ABCB6: variants seen among roughly 807,000 people sequenced by gnomAD.
ABCB6 encodes the protein ATP binding cassette subfamily B member 6 (LAN blood group), also known as ATP-binding cassette sub-family B member 6.
A neutral mutation model predicts 99.4 loss-of-function variants in ABCB6; 87 were observed. The ratio of observed to expected loss-of-function variants is 0.88; its 90% CI spans 0.74 to 1.05. ABCB6 has a LOEUF of 1.05. Among genes scored for constraint, ABCB6 ranks in the 50% least tolerant of loss-of-function variants. ABCB6 has a pLI of 0.00. For missense variants in ABCB6, 1,050 were observed against 1,097.9 expected (o/e 0.96, Z 0.62); for synonymous variants, 482 against 447.5 (o/e 1.08, Z -0.97).
chr2:219,212,927 C>T (rs955005196), intron 13 of ABCB6, 81 bp downstream of exon 13: 238 of 1,494,382 alleles, frequency 1.6e-4, no homozygotes, highest in Non-Finnish European at 1.9e-4. Context: ...TCTGACTCCA[C>T]AGCCTGGGTC....
Position 219,210,063 on chromosome 2 carries a change from AGT to A in ABCB6, c.2421-19_2421-18del. 6.2e-7 allele frequency: 1 copy of A among 1,611,796 alleles called. No homozygotes were observed. Among genetic ancestry groups the A allele is most frequent in the Non-Finnish European group, 8.5e-7 (1 of 1,178,066 alleles). On this transcript the variant is annotated intron_variant, in intron 18 of 18. Transcript: ENST00000265316. ...GCCTCGTGTCTGGGGTGAGGAGAAA[AGT>A]GTGAGTCCTAACCATTAGTTTTACC...
chr2:219,218,459 G>T lies in ABCB6; in HGVS notation c.215C>A (p.Pro72His). The change falls in exon 1 of 19, where the codon CCC (proline) becomes CAC (histidine). Residue 72 changes from proline (P) to histidine (H), a missense_variant. Coordinates refer to ENST00000265316, the MANE Select transcript of ABCB6 (RefSeq NM_005689.4). ...LSWGAGPRIS[P>H]YVLQLLLATL... ...GGCCAGAAGCAGCTGCAGCACGTAG[G>T]GAGAGATGCGAGGGCCGGCCCCCCA... 1 of 1,608,708 alleles carries T rather than the reference G, an allele frequency of 6.2e-7. No individual in the cohort carries two copies. Among genetic ancestry groups the T allele is most frequent in the Non-Finnish European group, 8.5e-7 (1 of 1,178,014 alleles).
intron 5 of ABCB6, chr2:219,215,470 A>C (rs1302326844): frequency 5.0e-6 from 1 of 200,230 alleles, no homozygotes; most frequent in Non-Finnish European, 1.0e-5. Flanking sequence ...AGCTGGGCAC[A>C]ATGGCTCACA....
intron 16 of ABCB6, 72 bp from the exon 17 acceptor site, chr2:219,210,547 T>A: frequency 6.3e-7 from 1 of 1,594,148 alleles, no homozygotes; most frequent in Non-Finnish European, 8.6e-7. Flanking sequence ...GGCTGCTGGC[T>A]GAGGCCTCAA....
Position 219,212,499 on chromosome 2 carries a change from A to G in ABCB6, c.1864-8T>C, listed in dbSNP as rs1474031035. 3.1e-6 allele frequency: 5 copies of G among 1,611,404 alleles called. No homozygotes were observed. The highest frequency in any genetic ancestry group is 1.7e-5 in the Admixed American group (1 of 59,850). On this transcript the variant is annotated splice_region_variant and splice_polypyrimidine_tract_variant and intron_variant, in intron 13 of 18. Coordinates refer to ENST00000265316, the MANE Select transcript of ABCB6 (RefSeq NM_005689.4). ...TGCCCCAGATGGGCCCACCTGTTGC[A>G]TTGGAAATGGGAAAAATCTCAGGCC...
rs1437640346 is a variant in ABCB6 at position 219,210,078 on chromosome 2, C to G, written c.2421-32G>C. The G allele has an allele frequency of 1.9e-6, 3 of 1,609,192 alleles. No individual in the cohort carries two copies. In the African/African-American group the frequency reaches 4.0e-5, roughly 22 times the overall value. The stretch of plus-strand genomic sequence containing the variant: ...TGAGGAGAAAAGTGTGAGTCCTAAC[C>G]ATTAGTTTTACCCCGAGGGTCCTTG... On this transcript the variant is annotated intron_variant, in intron 18 of 18. Transcript: ENST00000265316.
rs193300004 is a variant in ABCB6, at chr2:219,209,912, T to C, written c.*26A>G. The stretch of plus-strand genomic sequence containing the variant: ...ATCTTATTCCCTTCTGGGTTAGTCT[T>C]TGAGAGGGAAGTGGCCAAACTTTTG... On this transcript the variant is annotated 3_prime_UTR_variant, in exon 19 of 19. Coordinates refer to ENST00000265316, the MANE Select transcript of ABCB6 (RefSeq NM_005689.4). 29 of 1,565,340 alleles carry C rather than the reference T, an allele frequency of 1.9e-5. No individual in the cohort carries two copies. The Middle Eastern group carries it at 6.7e-4, about 36-fold the overall frequency.
In ABCB6 at chr2:219,216,458, C is replaced by T; in HGVS notation, c.876G>A (p.Leu292=). 6.2e-7 allele frequency: 1 copy of T among 1,613,984 alleles called. No homozygotes were observed. Among genetic ancestry groups the T allele is most frequent in the Non-Finnish European group, 8.5e-7 (1 of 1,179,950 alleles). ...VPIFYRNIVN[L]LTEKAPWNSL... ...AGTTCCAAGGTGCCTTCTCAGTCAGCAAGTTCACTGTGGAGGAAACGAGTC... is the reference window on the plus strand; with the variant it reads ...AGTTCCAAGGTGCCTTCTCAGTCAGTAAGTTCACTGTGGAGGAAACGAGTC... The change falls in exon 4 of 19, where the codon TTG becomes TTA. Residue 292 remains leucine (L), a synonymous_variant. Coordinates refer to ENST00000265316, the MANE Select transcript of ABCB6 (RefSeq NM_005689.4). The surrounding 1 kb of genome is among the most constrained non-coding windows in gnomAD (Gnocchi z 4.2).
In ABCB6 at chr2:219,218,434, G is replaced by C. The variant is rs1426739032; in HGVS notation, c.240C>G (p.Ala80=). The C allele has an allele frequency of 1.9e-6, 3 of 1,610,370 alleles. No homozygotes were observed. The highest frequency in any genetic ancestry group is 2.7e-5 in the African/African-American group (2 of 74,900). ...ISPYVLQLLL[A]TLQAALPLAG... ...CCAGGGGCAGCGCCGCCTGAAGTGTGGCCAGAAGCAGCTGCAGCACGTAGG... is the reference window on the plus strand; with the variant it reads ...CCAGGGGCAGCGCCGCCTGAAGTGTCGCCAGAAGCAGCTGCAGCACGTAGG... Residue 80 remains alanine, a synonymous_variant, in exon 1 of 19, where the codon GCC becomes GCG. Transcript: ENST00000265316.
rs553574357 is a variant in ABCB6 at position 219,216,828 on chromosome 2, C to T, written c.692G>A (p.Arg231Gln). Residue 231 changes from arginine to glutamine, a missense_variant, in exon 3 of 19, where the codon CGG (arginine) becomes CAG (glutamine). By Grantham distance (43) the Arg-to-Gln change is conservative (BLOSUM62 1). Transcript: ENST00000265316. This position sits in a 1 kb window ranked among gnomAD's most constrained non-coding sequence, Gnocchi z 4.2. ...CCAGGTAGACTGTTGGGCTGCTGAC[C>T]GAACCTAGGATGGTGAAACACGTAG... ...EDQDVERSQV[R>Q]SAAQQSTWRD... is the part of the protein sequence containing the mutation. 53 of 1,611,364 alleles carry T rather than the reference C, an allele frequency of 3.3e-5. No homozygotes were observed. The South Asian group carries it at 3.9e-4, about 12-fold the overall frequency.
Position 219,216,661 on chromosome 2 carries a change from T to C in ABCB6, c.859A>G (p.Arg287Gly). 6 of 1,559,268 alleles carry C rather than the reference T, an allele frequency of 3.8e-6. No individual in the cohort carries two copies. The highest frequency in any genetic ancestry group is 5.2e-6 in the Non-Finnish European group (6 of 1,151,442). Residue 287 changes from arginine (R) to glycine (G), a missense_variant, in exon 3 of 19, where the codon AGG (arginine) becomes GGG (glycine). Arg to Gly is a moderately radical substitution (Grantham distance 125). Coordinates refer to ENST00000265316, the MANE Select transcript of ABCB6 (RefSeq NM_005689.4). This position sits in a 1 kb window ranked among gnomAD's most constrained non-coding sequence, Gnocchi z 4.2. ...TGCTCCTCCTGCTCACCAATGTTCC[T>C]ATAGAATATAGGCACCAACACATTG... ...ALNVLVPIFYRNIVNLLTEKA... is the reference protein window; with the variant it reads ...ALNVLVPIFYGNIVNLLTEKA...
Position 219,213,961 on chromosome 2 carries a change from A to G in ABCB6, c.1453-10T>C, listed in dbSNP as rs368251947. The G allele has an allele frequency of 3.7e-5, 60 of 1,613,912 alleles. No homozygotes were observed. Among genetic ancestry groups the G allele is most frequent in the Non-Finnish European group, 4.6e-5 (54 of 1,179,994 alleles). ...ACTTCCACTCCAAACCCTGAGGGCA[A>G]TAACACAGGAAGAGGAATGTCCTAT... On this transcript the variant is annotated splice_polypyrimidine_tract_variant and intron_variant, in intron 8 of 18. Transcript: ENST00000265316.
intron 5 of ABCB6, 81 bp from the exon 6 acceptor site, chr2:219,215,163 GT>G: frequency 6.4e-7 from 1 of 1,570,350 alleles, no homozygotes; most frequent in Non-Finnish European, 8.7e-7. Flanking sequence ...TCAGGGTAGT[GT>G]TTTATTTTCA....
chr2:219,214,895 G>A, intron 6 of ABCB6, 66 bp downstream of exon 6: 6 of 1,598,240 alleles, frequency 3.8e-6, no homozygotes, highest in Non-Finnish European at 2.6e-6. Flanking sequence ...TTGAGTGGGG[G>A]CACAGCTCAT....
In ABCB6 at chr2:219,210,717, C is replaced by T; in HGVS notation, c.2250G>A (p.Leu750=). ...GAGGAGACCCAGGGCGCACCTCATC[C>T]AGCAGAATGATGCCCGGAGCCTTGA... is the stretch of plus-strand genomic sequence containing the variant. ...TILKAPGIIL[L]DEATSALDTS... Residue 750 remains leucine, a synonymous_variant, in exon 16 of 19, where the codon CTG becomes CTA. Coordinates refer to ENST00000265316, the MANE Select transcript of ABCB6 (RefSeq NM_005689.4). The T allele has an allele frequency of 6.2e-7, 1 of 1,613,628 alleles. No individual in the cohort carries two copies. Among genetic ancestry groups the T allele is most frequent in the Non-Finnish European group, 8.5e-7 (1 of 1,179,954 alleles).
chr2:219,210,207 CT>C, intron 18 of ABCB6, 22 bp downstream of exon 18: 1 of 1,614,120 alleles, frequency 6.2e-7, no homozygotes, highest in Non-Finnish European at 8.5e-7. Flanking sequence ...AAGACCTGTC[CT>C]TTTGATCTAT....
In ABCB6 at chr2:219,218,477, G is replaced by GC. The variant is rs781146478; in HGVS notation, c.196dup (p.Ala66GlyfsTer96). ...CACGTAGGGAGAGATGCGAGGGCCG[G>GC]CCCCCCAAGACAGCGAATCAGCACC... On this transcript the variant is annotated frameshift_variant, in exon 1 of 19. Transcript: ENST00000265316. LOFTEE classifies it high-confidence loss of function. 6 of 1,607,420 alleles carry GC rather than the reference G, an allele frequency of 3.7e-6. No homozygotes were observed. Among genetic ancestry groups the GC allele is most frequent in the South Asian group, 1.1e-5 (1 of 90,734 alleles).
intron 14 of ABCB6, 22 bp downstream of exon 14, chr2:219,212,365 G>A (rs1007956319): frequency 3.7e-6 from 6 of 1,604,768 alleles, no homozygotes; most frequent in Middle Eastern, 3.3e-4. Context: ...CTAAACCACC[G>A]TCTTCTCCAG....
At position 219,210,226 on chromosome 2, in the gene ABCB6, T is replaced by C. The variant is rs1178385636; in HGVS notation, c.2420+4A>G. Reference sequence around the variant, plus strand: ...CCTGTCCTTTTGATCTATGTGTCTCTTACCGTCCCCTCTCCACGATGCAGC... The same window carrying C: ...CCTGTCCTTTTGATCTATGTGTCTCCTACCGTCCCCTCTCCACGATGCAGC... On this transcript the variant is annotated splice_donor_region_variant and intron_variant, in intron 18 of 18. Transcript: ENST00000265316. 3.7e-6 allele frequency: 6 copies of C among 1,614,064 alleles called. No individual in the cohort carries two copies. The highest frequency in any genetic ancestry group is 5.1e-6 in the Non-Finnish European group (6 of 1,180,028).
Sources: gnomAD v4.1 joint callset for allele counts on GRCh38, gnomAD v4.1.1 for gene constraint, Gnocchi (gnomAD v3.1) non-coding constraint, MANE v1.5 for transcripts, NCBI Gene and HGNC (gene_info 2026-07-23, HGNC 2026-07-21) for gene names.